LEMD1: variants seen among roughly 807,000 people sequenced by gnomAD.
The protein encoded by LEMD1 is LEM domain containing 1, also known as LEM domain-containing protein 1.
A neutral mutation model predicts 17.4 loss-of-function variants in LEMD1; 18 were observed. That is an observed-to-expected ratio of 1.04 (90% confidence interval 0.72 to 1.54). The LOEUF (loss-of-function observed/expected upper bound fraction) is 1.54. Ranked by LOEUF, LEMD1 falls within the 40% of genes most tolerant of loss-of-function variation. LEMD1 has a pLI of 0.00. For missense variants in LEMD1, 195 were observed against 210.4 expected, an observed-to-expected ratio of 0.93 and a Z score of 0.45; for synonymous variants, 88 against 77.8, an observed-to-expected ratio of 1.13 and a Z score of -0.69.
At chr1:205,415,169 G>A (rs1665633477) in intron 4 of LEMD1, among the ~76,000 whole-genome samples, 2 of 152,156 alleles carry the variant, frequency 1.3e-5, no homozygotes, top group Non-Finnish European at 2.9e-5. Flanking sequence ...GGTACAGGGG[G>A]ATAACCATGG....
At chr1:205,388,192 ATCTT>A (rs1421478701) in intron 4 of LEMD1, among the ~76,000 whole-genome samples, 12 of 148,836 alleles carry the variant, frequency 8.1e-5, no homozygotes, top group Admixed American at 5.5e-4. Flanking sequence ...AATTCACTTA[ATCTT>A]TCTTTCTTTT....
Position 205,419,224 on chromosome 1 carries a change from C to T in LEMD1, c.205+6G>A, listed in dbSNP as rs75812335. 1.6e-4 allele frequency: 264 copies of T among 1,613,690 alleles called. No individual in the cohort carries two copies. The East Asian group carries it at 3.2e-3, about 19-fold the overall frequency. Reference sequence around the variant, plus strand: ...TGCCATCTAGCAGTACAGCTTATGGCGGTACCTTCGCTGTCATCACTGTCC... The same window carrying T: ...TGCCATCTAGCAGTACAGCTTATGGTGGTACCTTCGCTGTCATCACTGTCC... On this transcript the variant is annotated splice_donor_region_variant and intron_variant, in intron 3 of 5. Coordinates refer to ENST00000367153, the MANE Select transcript of LEMD1 (RefSeq NM_001199050.2).
At chr1:205,429,900 C>T (rs1666103760) in intron 1 of LEMD1, among the ~76,000 whole-genome samples, 1 of 152,116 alleles carries the variant, frequency 6.6e-6, no homozygotes. Flanking sequence ...CGAGGGCAGC[C>T]GGCAGCCAGG....
intron 4 of LEMD1, among the ~76,000 whole-genome samples, chr1:205,404,060 T>G (rs1403039365): frequency 6.6e-6 from 1 of 152,250 alleles, no homozygotes; most frequent in East Asian, 1.9e-4. Flanking sequence ...CATTGTGGTC[T>G]GAGAGACAGT....
chr1:205,391,332 G>A (rs34680821), intron 4 of LEMD1, among the ~76,000 whole-genome samples: 1 of 151,876 alleles, frequency 6.6e-6, no homozygotes, highest in Non-Finnish European at 1.5e-5. Context: ...TTGAGACTTA[G>A]GGAAGACAAG....
intron 1 of LEMD1, among the ~76,000 whole-genome samples, chr1:205,429,356 G>A (rs1416618034): frequency 6.6e-6 from 1 of 152,196 alleles, no homozygotes; most frequent in Non-Finnish European, 1.5e-5. Context: ...TATCATGATG[G>A]TAGGGGTCCT....
intron 4 of LEMD1, among the ~76,000 whole-genome samples, chr1:205,404,271 CT>C (rs1357887768): frequency 2.0e-5 from 3 of 152,010 alleles, no homozygotes; most frequent in Admixed American, 6.6e-5. Flanking sequence ...AACTTTCTGT[CT>C]CGTTGATCTG....
chr1:205,414,154 T>C (rs1468576997), intron 4 of LEMD1, among the ~76,000 whole-genome samples: 1 of 152,160 alleles, frequency 6.6e-6, no homozygotes, highest in South Asian at 2.1e-4. Context: ...TCATGGTGTA[T>C]AGCAAGTTTG....
intron 4 of LEMD1, among the ~76,000 whole-genome samples, chr1:205,403,956 T>C (rs954347272): frequency 2.0e-5 from 3 of 152,224 alleles, no homozygotes; most frequent in Non-Finnish European, 4.4e-5. Flanking sequence ...CATTTTGTTA[T>C]GTACCCAGTA....
intron 1 of LEMD1, among the ~76,000 whole-genome samples, chr1:205,432,633 A>T (rs1666141359): frequency 6.6e-6 from 1 of 152,254 alleles, no homozygotes; most frequent in Admixed American, 6.5e-5. Context: ...CAGCAGGGTC[A>T]TTGCTAGCTC....
chr1:205,430,054 G>A (rs1231859722), intron 1 of LEMD1, among the ~76,000 whole-genome samples: 1 of 152,198 alleles, frequency 6.6e-6, no homozygotes, highest in Non-Finnish European at 1.5e-5. Context: ...ATGGCAGCAG[G>A]GCCAGGCAGC....
chr1:205,424,846 C>T (rs1177083712), upstream of LEMD1, among the ~76,000 whole-genome samples: 1 of 152,128 alleles, frequency 6.6e-6, no homozygotes, highest in Non-Finnish European at 1.5e-5. Flanking sequence ...ATAAATAGCT[C>T]ATGGTATAAT....
intron 4 of LEMD1, among the ~76,000 whole-genome samples, chr1:205,406,183 C>A (rs1478511482): frequency 6.6e-6 from 1 of 152,210 alleles, no homozygotes; most frequent in African/African-American, 2.4e-5. Flanking sequence ...AGGCAGTCTG[C>A]CCATTCTCAG....
intron 1 of LEMD1, among the ~76,000 whole-genome samples, chr1:205,432,841 T>C (rs1001114831): frequency 1.1e-4 from 16 of 152,080 alleles, no homozygotes; most frequent in African/African-American, 3.9e-4. Context: ...AGACCCTGCC[T>C]CTACAAAAAA....
At position 205,408,582 on chromosome 1, in the gene LEMD1, C is replaced by A. The variant is rs181932280; in HGVS notation, c.270+7650G>T. ...TTGGTGCCATCACGGCTCACTGCAG[C>A]CTCGACCTGGGCTCAAGCCATCCTT... On this transcript the variant is annotated intron_variant, in intron 4 of 5. Coordinates refer to ENST00000367153, the MANE Select transcript of LEMD1 (RefSeq NM_001199050.2). Among the ~76,000 whole-genome samples, 302 of 150,848 alleles carry A rather than the reference C, an allele frequency of 2.0e-3. 2 individuals are homozygous for A. The highest frequency in any genetic ancestry group is 6.7e-3 in the African/African-American group (276 of 41,004).
chr1:205,415,024 G>A (rs1242908283), intron 4 of LEMD1, among the ~76,000 whole-genome samples: 1 of 152,156 alleles, frequency 6.6e-6, no homozygotes, highest in Non-Finnish European at 1.5e-5. Context: ...GCAGGGAGGG[G>A]GCAGTCCAGT....
At chr1:205,434,362 T>TTA (rs199923008) in intron 1 of LEMD1, among the ~76,000 whole-genome samples, 18,701 of 144,434 alleles carry the variant, frequency 0.13, 1,376 homozygotes, top group African/African-American at 0.2. Flanking sequence ...TATATATATA[T>TTA]TATATATATA....
At chr1:205,430,514 A>G (rs938908253) in intron 1 of LEMD1, among the ~76,000 whole-genome samples, 1 of 152,168 alleles carries the variant, frequency 6.6e-6, no homozygotes, top group Non-Finnish European at 1.5e-5. Flanking sequence ...TAAGAACAAG[A>G]CAGATCTTCC....
chr1:205,402,586 A>C (rs952843002), intron 4 of LEMD1, among the ~76,000 whole-genome samples: 17 of 152,208 alleles, frequency 1.1e-4, no homozygotes, highest in Non-Finnish European at 7.3e-5. Flanking sequence ...TTATCAGCTT[A>C]AGGAGATTTT....
Sources: allele counts gnomAD v4.1 joint callset (sites outside exome capture counted in the v4.1 genomes callset), GRCh38; gene constraint gnomAD v4.1.1; transcripts MANE v1.5; gene names NCBI Gene and HGNC (gene_info 2026-07-23, HGNC 2026-07-21).